Variants in SIDT1 observed in about 807,000 individuals in gnomAD.
SIDT1 encodes the protein SID1 transmembrane family, member 1.
In SIDT1, 101 loss-of-function variants were observed where a neutral mutation model predicts 107.5. That is an observed-to-expected ratio of 0.94 (90% CI 0.80 to 1.11). The LOEUF is 1.11. Among genes scored for constraint, SIDT1 ranks in the 50% least tolerant of loss-of-function variants. The probability of loss-of-function intolerance (pLI) is 0.00; values close to 1 mark genes in which losing one functional copy is unlikely to be tolerated. For missense variants in SIDT1, 1,076 were observed against 1,058.2 expected (o/e 1.02, Z -0.23); for synonymous variants, 395 against 398.2 (o/e 0.99, Z 0.10).
At chr3:113,623,312 G>GT (rs878952968) in intron 21 of SIDT1, 115 bp from the exon 22 acceptor site, 1 of 481,762 alleles carries the variant, frequency 2.1e-6, no homozygotes, top group Non-Finnish European at 3.7e-6. Context: ...AAAAATAAAA[G>GT]TTAAAAAAAA....
At chr3:113,565,978 T>C (rs1376438087) in intron 1 of SIDT1, among the ~76,000 whole-genome samples, 3 of 152,232 alleles carry the variant, frequency 2.0e-5, no homozygotes, top group Non-Finnish European at 4.4e-5. Flanking sequence ...TTAGCATTTA[T>C]ATTCAAATAA....
Position 113,603,162 on chromosome 3 carries a change from G to T in SIDT1, c.1263+12G>T, listed in dbSNP as rs201153793. 3.1e-5 allele frequency: 50 copies of T among 1,611,762 alleles called. No individual in the cohort carries two copies. The highest frequency in any genetic ancestry group is 3.9e-5 in the Non-Finnish European group (46 of 1,178,736). On this transcript the variant is annotated intron_variant, in intron 12 of 24. Coordinates refer to ENST00000264852, the MANE Select transcript of SIDT1 (RefSeq NM_017699.3). Reference sequence around the variant, plus strand: ...TCATCCGGACCAAGGTACCCACTCTGCCTCGCCGTACTCTTTGAGAGGGCA... The same window carrying T: ...TCATCCGGACCAAGGTACCCACTCTTCCTCGCCGTACTCTTTGAGAGGGCA...
At chr3:113,533,938 TAAG>T in intron 1 of SIDT1, among the ~76,000 whole-genome samples, 1 of 152,250 alleles carries the variant, frequency 6.6e-6, no homozygotes, top group South Asian at 2.1e-4. Flanking sequence ...TGAGGGAAGA[TAAG>T]GAGGGAAAAA....
chr3:113,576,813 C>T, intron 3 of SIDT1, 109 bp from the exon 4 acceptor site: 1 of 1,160,980 alleles, frequency 8.6e-7, no homozygotes, highest in South Asian at 1.3e-5. Context: ...GTGAAGCTCT[C>T]CTTGAGTCTA....
the SIDT1 span, among the ~76,000 whole-genome samples, chr3:113,636,889 T>C: frequency 2.8e-3 from 429 of 152,288 alleles, 2 homozygotes; most frequent in African/African-American, 9.5e-3. Context: ...TGAGGACGGT[T>C]ATGGAAAATA....
chr3:113,578,011 T>C (rs368209309), intron 4 of SIDT1, among the ~76,000 whole-genome samples: 2 of 152,298 alleles, frequency 1.3e-5, no homozygotes, highest in East Asian at 3.9e-4. Context: ...CTTTTAAACT[T>C]CCTGTCTGTG....
At chr3:113,537,622 T>C (rs916350362) in intron 1 of SIDT1, among the ~76,000 whole-genome samples, 17 of 152,348 alleles carry the variant, frequency 1.1e-4, no homozygotes, top group Middle Eastern at 6.8e-3. Flanking sequence ...ATCTGAATGA[T>C]TGGACTGTCT....
intron 8 of SIDT1, 42 bp from the exon 9 acceptor site, chr3:113,585,132 TTTC>T: frequency 7.3e-7 from 1 of 1,363,724 alleles, no homozygotes; most frequent in Admixed American, 1.7e-5. Flanking sequence ...GGAGTCTTCT[TTTC>T]TGCAGAGGAT....
At chr3:113,544,098 GT>G (rs140212046) in intron 1 of SIDT1, among the ~76,000 whole-genome samples, 6,400 of 150,732 alleles carry the variant, frequency 0.042, 253 homozygotes, top group African/African-American at 0.11. Context: ...GTTTTGTTTT[GT>G]TTTTTTAATT....
chr3:113,540,346 G>A (rs1938672987), intron 1 of SIDT1, among the ~76,000 whole-genome samples: 2 of 152,020 alleles, frequency 1.3e-5, no homozygotes, highest in African/African-American at 4.8e-5. Flanking sequence ...TGAGTCTTGG[G>A]GGACAAACAT....
At chr3:113,540,629 G>A (rs1481424669) in intron 1 of SIDT1, among the ~76,000 whole-genome samples, 1 of 152,008 alleles carries the variant, frequency 6.6e-6, no homozygotes, top group Non-Finnish European at 1.5e-5. Context: ...TCTTAATTTT[G>A]TTTGAAAATT....
intron 13 of SIDT1, among the ~76,000 whole-genome samples, chr3:113,604,619 A>G (rs530969555): frequency 2.6e-5 from 4 of 152,334 alleles, no homozygotes; most frequent in African/African-American, 9.6e-5. Context: ...AAAAAAATAC[A>G]TTTCAGTTAG....
intron 3 of SIDT1, among the ~76,000 whole-genome samples, chr3:113,569,038 G>A (rs935966069): frequency 6.6e-6 from 1 of 151,360 alleles, no homozygotes; most frequent in Admixed American, 6.6e-5. Context: ...TAATCCGGAG[G>A]CTGAGGCAGG....
intron 3 of SIDT1, among the ~76,000 whole-genome samples, chr3:113,575,164 T>C (rs1942800647): frequency 6.6e-6 from 1 of 152,224 alleles, no homozygotes; most frequent in South Asian, 2.1e-4. Flanking sequence ...CATTTAGTAT[T>C]ATGACTGAAA....
intron 6 of SIDT1, among the ~76,000 whole-genome samples, chr3:113,582,787 A>T (rs192948117): frequency 1.9e-4 from 29 of 152,324 alleles, no homozygotes; most frequent in East Asian, 5.8e-4. Context: ...TGAAATAAAA[A>T]AAATAAATAA....
At chr3:113,584,605 G>T in intron 7 of SIDT1, 93 bp from the exon 8 acceptor site, 1 of 797,324 alleles carries the variant, frequency 1.3e-6, no homozygotes, top group Non-Finnish European at 2.1e-6. Context: ...ATTAATTCTG[G>T]ACATTTTTTG....
rs1242456593 is a variant in SIDT1 at position 113,619,726 on chromosome 3, T to C, written c.2090T>C (p.Phe697Ser). 5 of 1,613,892 alleles carry C rather than the reference T, an allele frequency of 3.1e-6. No homozygotes were observed. Among genetic ancestry groups the C allele is most frequent in the Non-Finnish European group, 4.2e-6 (5 of 1,179,784 alleles). The change falls in exon 21 of 25, where the codon TTC becomes TCC. Residue 697 changes from phenylalanine to serine, a missense_variant and splice_region_variant. Coordinates refer to ENST00000264852, the MANE Select transcript of SIDT1 (RefSeq NM_017699.3). ...GTGGGGAATCTGGTTAACTGGTCCT[T>C]GTAAGTAGTCTTATGAAAACATGTT... is the stretch of plus-strand genomic sequence containing the variant. ...LVVGNLVNWS[F>S]ALFGLIYRPR...
chr3:113,608,344 A>T (rs187835447), intron 16 of SIDT1, 75 bp from the exon 17 acceptor site: 2 of 1,537,920 alleles, frequency 1.3e-6, no homozygotes, highest in African/African-American at 1.4e-5. Context: ...GGCCAGAAGC[A>T]TGTGCTTCCA....
intron 4 of SIDT1, among the ~76,000 whole-genome samples, chr3:113,579,523 G>T (rs762038955): frequency 1.1e-4 from 17 of 152,126 alleles, no homozygotes; most frequent in Middle Eastern, 3.4e-3. Context: ...TGGGGGTATT[G>T]CCATCTGTTA....
Sources: gnomAD v4.1 joint callset for allele counts (sites outside exome capture counted in the v4.1 genomes callset) on GRCh38, gnomAD v4.1.1 for gene constraint, MANE v1.5 for transcripts, NCBI Gene and HGNC (gene_info 2026-07-23, HGNC 2026-07-21) for gene names.